The following EDIL3 variants were observed in gnomAD, a reference collection of about 807,000 sequenced individuals.
EDIL3 encodes the protein EGF like and discoidin domains 3.
Under a neutral mutation model 67.4 loss-of-function variants are expected in EDIL3, and 37 were observed. That is an observed-to-expected ratio of 0.55 (90% CI 0.42 to 0.72). The LOEUF (loss-of-function observed/expected upper bound fraction) is 0.72. Among genes scored for constraint, EDIL3 ranks in the 30% least tolerant of loss-of-function variants. The pLI is 0.00. For synonymous variants in EDIL3, 195 were observed against 196.3 expected (o/e 0.99, Z 0.05); for missense variants, 527 against 586.3 (o/e 0.90, Z 1.04).
chr5:83,960,847 A>T (rs1302711164), intron 10 of EDIL3, among the ~76,000 whole-genome samples: 2 of 151,094 alleles, frequency 1.3e-5, no homozygotes, highest in Non-Finnish European at 3.0e-5. Flanking sequence ...TAGTAAGATG[A>T]TAAATTTAAA....
chr5:83,954,107 T>C (rs1744465238), intron 10 of EDIL3, among the ~76,000 whole-genome samples: 1 of 151,800 alleles, frequency 6.6e-6, no homozygotes, highest in Non-Finnish European at 1.5e-5. Context: ...AGACTTTTAA[T>C]TGCTTAACAT....
At chr5:84,261,948 G>A (rs1324385118) in intron 1 of EDIL3, among the ~76,000 whole-genome samples, 1 of 152,166 alleles carries the variant, frequency 6.6e-6, no homozygotes, top group Admixed American at 6.5e-5. Context: ...GCTGTTCAGT[G>A]TTGACTATTT....
chr5:84,319,348 C>T (rs1210665660), intron 1 of EDIL3, among the ~76,000 whole-genome samples: 1 of 110,956 alleles, frequency 9.0e-6, no homozygotes, highest in East Asian at 2.1e-4. Context: ...CCTGTAGTCC[C>T]AGCTACTCGG....
chr5:84,371,759 C>G (rs1747861277), intron 1 of EDIL3, among the ~76,000 whole-genome samples: 1 of 151,734 alleles, frequency 6.6e-6, no homozygotes, highest in Non-Finnish European at 1.5e-5. Context: ...CCAGTGAAGG[C>G]AAATGCAGCA....
Position 83,943,367 on chromosome 5 carries a change from T to G in EDIL3, c.*52A>C. 22 of 1,599,956 alleles carry G rather than the reference T, an allele frequency of 1.4e-5. No homozygotes were observed. Among genetic ancestry groups the G allele is most frequent in the Non-Finnish European group, 1.9e-5 (22 of 1,170,452 alleles). On this transcript the variant is annotated 3_prime_UTR_variant, in exon 11 of 11. Transcript: ENST00000296591. ...TACAGATTTTGCACAGTTCATTCCA[T>G]GGAGATACTTTTAGGGAAATAGGGA...
chr5:83,999,958 A>C (rs1022042417), intron 9 of EDIL3, among the ~76,000 whole-genome samples: 1 of 152,136 alleles, frequency 6.6e-6, no homozygotes, highest in Non-Finnish European at 1.5e-5. Flanking sequence ...TTTCAGTGGA[A>C]ACTTTACAGG....
At chr5:84,051,440 C>T (rs7443102) in intron 9 of EDIL3, among the ~76,000 whole-genome samples, 26,664 of 152,090 alleles carry the variant, frequency 0.18, 4,643 homozygotes, top group African/African-American at 0.45. Context: ...TCACCAGCAA[C>T]GGAACAAAGC....
At chr5:84,174,456 G>T (rs1028770696) in intron 4 of EDIL3, among the ~76,000 whole-genome samples, 1 of 152,198 alleles carries the variant, frequency 6.6e-6, no homozygotes, top group Non-Finnish European at 1.5e-5. Context: ...ACAATAGATG[G>T]TTATGGAATG....
intron 1 of EDIL3, among the ~76,000 whole-genome samples, chr5:84,257,362 GTT>G (rs1745140398): frequency 6.6e-6 from 1 of 152,106 alleles, no homozygotes; most frequent in Non-Finnish European, 1.5e-5. Flanking sequence ...TAACTGACAT[GTT>G]TTTCTCTCTT....
intron 9 of EDIL3, among the ~76,000 whole-genome samples, chr5:84,016,012 CAG>C (rs1388133277): frequency 2.0e-5 from 3 of 152,078 alleles, no homozygotes; most frequent in African/African-American, 7.2e-5. Flanking sequence ...TAGTACCTAA[CAG>C]CTATCTTTTC....
intron 10 of EDIL3, among the ~76,000 whole-genome samples, chr5:83,962,377 A>T (rs970444918): frequency 5.3e-5 from 8 of 151,586 alleles, no homozygotes; most frequent in Non-Finnish European, 8.9e-5. Flanking sequence ...GCAACGAATT[A>T]ACTTGATTTC....
intron 5 of EDIL3, among the ~76,000 whole-genome samples, chr5:84,130,835 T>A (rs1387121895): frequency 2.6e-5 from 4 of 152,150 alleles, no homozygotes; most frequent in Non-Finnish European, 1.5e-5. Flanking sequence ...GTAGTTCATA[T>A]GTTTTGATAG....
chr5:84,002,340 G>GA (rs890504388), intron 9 of EDIL3, among the ~76,000 whole-genome samples: 13 of 151,662 alleles, frequency 8.6e-5, no homozygotes, highest in Non-Finnish European at 1.3e-4. Context: ...CACTAAATGG[G>GA]AAAAAAAACT....
intron 1 of EDIL3, among the ~76,000 whole-genome samples, chr5:84,265,453 T>A (rs931667495): frequency 2.0e-5 from 3 of 152,192 alleles, no homozygotes; most frequent in Admixed American, 1.3e-4. Flanking sequence ...AAATAGTCAA[T>A]AGACAGCTAG....
intron 10 of EDIL3, among the ~76,000 whole-genome samples, chr5:83,943,838 A>G (rs1028713113): frequency 2.6e-5 from 4 of 152,018 alleles, no homozygotes; most frequent in African/African-American, 9.7e-5. Context: ...TAAAAAAAAT[A>G]CAACAGGTAT....
chr5:84,164,048 G>A (rs1450113662), intron 4 of EDIL3, among the ~76,000 whole-genome samples: 1 of 152,088 alleles, frequency 6.6e-6, no homozygotes, highest in Non-Finnish European at 1.5e-5. Flanking sequence ...TGCTGTATAT[G>A]CTGTGCTATG....
rs761355294 is a variant in EDIL3 at position 83,943,164 on chromosome 5, CAAT to C, written c.*252_*254del. On this transcript the variant is annotated 3_prime_UTR_variant, in exon 11 of 11. Coordinates refer to ENST00000296591, the MANE Select transcript of EDIL3 (RefSeq NM_005711.5). The stretch of plus-strand genomic sequence containing the variant: ...CTACCAATGCGAATAATTCAGGAAA[CAAT>C]GAGAGAAAAGTAATTCACACTTAAT... 2.4e-6 allele frequency: 1 copy of C among 413,782 alleles called. No homozygotes were observed. The highest frequency in any genetic ancestry group is 4.4e-6 in the Non-Finnish European group (1 of 229,404). 25.6% of individuals were successfully genotyped at this position (413,782 alleles called of 1,614,324 possible). A position where few individuals can be genotyped will look rare whatever the true frequency, so the allele number is the denominator to read the frequency against.
At chr5:84,161,950 G>A (rs1221290953) in intron 4 of EDIL3, among the ~76,000 whole-genome samples, 1 of 152,086 alleles carries the variant, frequency 6.6e-6, no homozygotes, top group East Asian at 1.9e-4. Flanking sequence ...TTAGAATTGA[G>A]GACCATAAGA....
chr5:84,191,242 T>C (rs184418692), intron 3 of EDIL3, among the ~76,000 whole-genome samples: 55 of 152,204 alleles, frequency 3.6e-4, no homozygotes, highest in Non-Finnish European at 5.9e-4. Context: ...TCTCCTATAA[T>C]ATAGCATAGT....
Sources: allele counts gnomAD v4.1 joint callset (sites outside exome capture counted in the v4.1 genomes callset), GRCh38; gene constraint gnomAD v4.1.1; transcripts MANE v1.5; gene names NCBI Gene and HGNC (gene_info 2026-07-23, HGNC 2026-07-21).